The following LRCH1 variants were observed in gnomAD, a reference collection of about 807,000 sequenced individuals.
LRCH1 encodes leucine-rich repeat and calponin homology domain-containing protein 1.
LRCH1 carries 23 observed loss-of-function variants against 94.9 expected under a neutral mutation model. That is an observed-to-expected ratio of 0.24 (90% CI 0.17 to 0.34). The LOEUF (loss-of-function observed/expected upper bound fraction) is 0.34, where lower values mean the gene tolerates loss of function less well. LRCH1 is among the 10% of genes least tolerant of loss of function. The pLI, the probability that LRCH1 is intolerant of heterozygous loss-of-function variation, is 1.00. For synonymous variants in LRCH1, 364 were observed against 354.9 expected, an observed-to-expected ratio of 1.03 and a Z score of -0.29; for missense variants, 790 against 945.9, an observed-to-expected ratio of 0.84 and a Z score of 2.16.
intron 1 of LRCH1, among the ~76,000 whole-genome samples, chr13:46,602,951 A>AATAC (rs1407286935): frequency 7.5e-6 from 1 of 133,962 alleles, no homozygotes; most frequent in African/African-American, 2.9e-5. Context: ...CCGGTCAACA[A>AATAC]ATACATACAT....
At chr13:46,746,659 C>T (rs570461601), downstream of LRCH1, among the ~76,000 whole-genome samples, 4 of 152,324 alleles carry the variant, frequency 2.6e-5, no homozygotes, top group South Asian at 8.3e-4. Context: ...GCTGTCTCTG[C>T]TGTAAGTCCA....
In LRCH1 at chr13:46,669,095, G is replaced by A; in HGVS notation, c.518G>A (p.Ser173Asn). The A allele has an allele frequency of 6.2e-7, 1 of 1,614,162 alleles. No individual in the cohort carries two copies. Among genetic ancestry groups the A allele is most frequent in the Non-Finnish European group, 8.5e-7 (1 of 1,180,036 alleles). Residue 173 changes from serine (S) to asparagine (N), a missense_variant, in exon 3 of 20, where the codon AGT becomes AAT. Ser to Asn is a conservative substitution (Grantham distance 46). Transcript: ENST00000389797. ...CTGCCTCTCAAAGTCTTAATCGCAA[G>A]TAACAACAAACTTGGATCATTACCA... is the stretch of plus-strand genomic sequence containing the variant. ...CGLPLKVLIASNNKLGSLPEE... is the reference protein window; with the variant it reads ...CGLPLKVLIANNNKLGSLPEE...
At chr13:46,606,333 T>C (rs1220953513) in intron 1 of LRCH1, among the ~76,000 whole-genome samples, 1 of 152,150 alleles carries the variant, frequency 6.6e-6, no homozygotes, top group Non-Finnish European at 1.5e-5. Context: ...CTATTCTGAG[T>C]CTATAGGACT....
At chr13:46,558,572 C>CAAAAAAAAAAA (rs575874794) in intron 1 of LRCH1, among the ~76,000 whole-genome samples, 1,808 of 34,376 alleles carry the variant, frequency 0.053, 312 homozygotes, top group Non-Finnish European at 0.06. Context: ...CCTGTGTCTA[C>CAAAAAAAAAAA]AAAAAAAAAA....
At chr13:46,735,403 A>G (rs1873322115) in intron 19 of LRCH1, among the ~76,000 whole-genome samples, 2 of 152,232 alleles carry the variant, frequency 1.3e-5, no homozygotes, top group South Asian at 2.1e-4. Flanking sequence ...GCTAGAAAGC[A>G]CTTCATCAGT....
At chr13:46,723,543 G>A (rs1872682763) in intron 17 of LRCH1, among the ~76,000 whole-genome samples, 2 of 152,172 alleles carry the variant, frequency 1.3e-5, no homozygotes, top group Admixed American at 1.3e-4. Flanking sequence ...TCTCATGCCT[G>A]TAATCGCAGA....
intron 1 of LRCH1, among the ~76,000 whole-genome samples, chr13:46,557,691 A>G (rs1362060131): frequency 6.6e-6 from 1 of 151,812 alleles, no homozygotes; most frequent in African/African-American, 2.4e-5. Flanking sequence ...GAAAATACAA[A>G]CATTAGCCGG....
chr13:46,707,855 G>C (rs1871847494), intron 13 of LRCH1, among the ~76,000 whole-genome samples: 2 of 152,178 alleles, frequency 1.3e-5, no homozygotes, highest in African/African-American at 4.8e-5. Flanking sequence ...CACTGAGAAA[G>C]TAGCATTAAA....
At chr13:46,700,271 T>C (rs1317992558) in intron 10 of LRCH1, among the ~76,000 whole-genome samples, 1 of 152,180 alleles carries the variant, frequency 6.6e-6, no homozygotes, top group Non-Finnish European at 1.5e-5. Context: ...ATTTATCCCA[T>C]TGTTAAAACT....
chr13:46,738,633 C>CA (rs767140468), intron 19 of LRCH1, among the ~76,000 whole-genome samples: 2 of 152,180 alleles, frequency 1.3e-5, no homozygotes, highest in African/African-American at 2.4e-5. Flanking sequence ...TTCCCCAAGT[C>CA]AATGACTTTA....
At chr13:46,719,925 G>A (rs960371473) in intron 16 of LRCH1, among the ~76,000 whole-genome samples, 1 of 152,130 alleles carries the variant, frequency 6.6e-6, no homozygotes, top group Non-Finnish European at 1.5e-5. Flanking sequence ...TTGAACCTGG[G>A]AGGCGGAGTT....
At chr13:46,558,877 G>A (rs535601360) in intron 1 of LRCH1, among the ~76,000 whole-genome samples, 20 of 152,218 alleles carry the variant, frequency 1.3e-4, no homozygotes, top group Non-Finnish European at 2.6e-4. Flanking sequence ...GGGCTCTTAT[G>A]ACCCTTTAAT....
intron 17 of LRCH1, among the ~76,000 whole-genome samples, chr13:46,724,862 C>T (rs1872738395): frequency 6.6e-6 from 1 of 152,072 alleles, no homozygotes; most frequent in Non-Finnish European, 1.5e-5. Flanking sequence ...GGGTATATAC[C>T]CAGAGAAAAA....
chr13:46,693,844 G>A (rs842372), intron 8 of LRCH1, among the ~76,000 whole-genome samples: 124,347 of 152,236 alleles, frequency 0.82, 51,350 homozygotes, highest in African/African-American at 0.94. Flanking sequence ...CTGTTTCACA[G>A]TGTATAAATA....
In LRCH1 at chr13:46,613,583, G is replaced by A. The variant is rs905600780; in HGVS notation, c.308-36618G>A. 6.6e-5 allele frequency among the ~76,000 whole-genome samples: 10 copies of A among 152,054 alleles called. No homozygotes were observed. The East Asian group carries it at 1.9e-3, about 29-fold the overall frequency. ...GCCCAAAGCGTGATTGGCTGATGCT[G>A]TGATTTCTCAGCCTGGTTGCGCATT... On this transcript the variant is annotated intron_variant, in intron 1 of 19. Transcript: ENST00000389797.
intron 4 of LRCH1, among the ~76,000 whole-genome samples, chr13:46,685,443 A>AAT (rs1870555001): frequency 1.3e-5 from 2 of 152,350 alleles, no homozygotes; most frequent in South Asian, 4.1e-4. Flanking sequence ...AAAACTCATG[A>AAT]ATATATTTAG....
chr13:46,674,327 CTG>C (rs2051642602), intron 3 of LRCH1, among the ~76,000 whole-genome samples: 3 of 152,216 alleles, frequency 2.0e-5, no homozygotes, highest in Admixed American at 6.5e-5. Flanking sequence ...CCATTTGAGA[CTG>C]TGCAGGGAAT....
At chr13:46,719,996 TCAAAA>T (rs1043563215) in intron 16 of LRCH1, among the ~76,000 whole-genome samples, 3 of 152,066 alleles carry the variant, frequency 2.0e-5, no homozygotes, top group Non-Finnish European at 4.4e-5. Context: ...AGACTCCATC[TCAAAA>T]CAAAATAAAA....
At chr13:46,623,015 G>A (rs2050898259) in intron 1 of LRCH1, among the ~76,000 whole-genome samples, 1 of 152,190 alleles carries the variant, frequency 6.6e-6, no homozygotes, top group South Asian at 2.1e-4. Context: ...ACTGGCACAT[G>A]TCCCAGAGTA....
Sources: allele counts gnomAD v4.1 joint callset (sites outside exome capture counted in the v4.1 genomes callset), GRCh38; gene constraint gnomAD v4.1.1; transcripts MANE v1.5; gene names NCBI Gene and HGNC (gene_info 2026-07-23, HGNC 2026-07-21).